Variants in PDE7A observed in about 807,000 individuals in gnomAD.
PDE7A encodes phosphodiesterase 7A.
PDE7A carries 39 observed loss-of-function variants against 64.3 expected under a neutral mutation model. The ratio of observed to expected loss-of-function variants is 0.61; its 90% CI spans 0.47 to 0.79. PDE7A has a LOEUF of 0.79. Ranked by LOEUF, PDE7A falls within the 30% of genes least tolerant of loss-of-function variation. The pLI is 0.00. For synonymous variants in PDE7A, 203 were observed against 206.8 expected (o/e 0.98, Z 0.16); for missense variants, 470 against 582.8 (o/e 0.81, Z 1.99).
At chr8:65,741,734 C>T (rs1344925888) in intron 5 of PDE7A, among the ~76,000 whole-genome samples, 7 of 152,106 alleles carry the variant, frequency 4.6e-5, no homozygotes, top group East Asian at 1.9e-4. Flanking sequence ...CAACCATCTT[C>T]GAGTATATAA....
chr8:65,767,593 A>G (rs2128918431), intron 3 of PDE7A, among the ~76,000 whole-genome samples: 1 of 152,210 alleles, frequency 6.6e-6, no homozygotes, highest in East Asian at 1.9e-4. Context: ...CTCCCCAGAG[A>G]GGGTCTTGCC....
At chr8:65,807,883 C>T (rs889255271) in intron 1 of PDE7A, among the ~76,000 whole-genome samples, 3 of 152,128 alleles carry the variant, frequency 2.0e-5, no homozygotes, top group African/African-American at 4.8e-5. Context: ...GCTGAATTAA[C>T]CATATCTGGA....
chr8:65,831,273 C>T (rs754625323), intron 1 of PDE7A, among the ~76,000 whole-genome samples: 11 of 152,014 alleles, frequency 7.2e-5, no homozygotes, highest in Non-Finnish European at 1.2e-4. Context: ...TCTACATATT[C>T]GAAGTAAACT....
intron 3 of PDE7A, among the ~76,000 whole-genome samples, chr8:65,763,194 A>ATCTAAGTTT (rs1222771294): frequency 6.6e-6 from 1 of 152,214 alleles, no homozygotes; most frequent in Admixed American, 6.5e-5. Context: ...TATAACATTG[A>ATCTAAGTTT]TCTAAGTTTT....
chr8:65,768,115 G>A (rs1198502501), intron 3 of PDE7A, among the ~76,000 whole-genome samples: 2 of 152,176 alleles, frequency 1.3e-5, no homozygotes, highest in African/African-American at 4.8e-5. Flanking sequence ...CACACATTTG[G>A]TCACAGAAGT....
At chr8:65,822,207 GC>G (rs539938157) in intron 1 of PDE7A, among the ~76,000 whole-genome samples, 55 of 152,296 alleles carry the variant, frequency 3.6e-4, no homozygotes, top group African/African-American at 1.3e-3. Flanking sequence ...CTGGAAACCT[GC>G]CCCCTCATTC....
At chr8:65,750,325 A>C (rs1434046095) in intron 3 of PDE7A, among the ~76,000 whole-genome samples, 1 of 152,204 alleles carries the variant, frequency 6.6e-6, no homozygotes, top group Non-Finnish European at 1.5e-5. Flanking sequence ...CCTAAAGCAG[A>C]GTTCAAGGTC....
chr8:65,794,317 C>T (rs1319988809), intron 1 of PDE7A, among the ~76,000 whole-genome samples: 2 of 152,054 alleles, frequency 1.3e-5, no homozygotes, highest in African/African-American at 2.4e-5. Context: ...CACCACCACA[C>T]CCCACAAGAC....
intron 3 of PDE7A, among the ~76,000 whole-genome samples, chr8:65,777,515 T>G (rs1482081248): frequency 6.6e-6 from 1 of 152,242 alleles, no homozygotes; most frequent in Non-Finnish European, 1.5e-5. Context: ...GATAATATGT[T>G]ATTTAGGATG....
intron 3 of PDE7A, among the ~76,000 whole-genome samples, chr8:65,762,651 GC>G (rs1808562897): frequency 1.3e-5 from 2 of 152,134 alleles, no homozygotes. Context: ...CAAAGAAAAA[GC>G]ACTTAAAATT....
intron 1 of PDE7A, 137 bp from the exon 2 acceptor site, chr8:65,782,980 A>G (rs1167874100): frequency 5.0e-6 from 3 of 604,222 alleles, no homozygotes; most frequent in Non-Finnish European, 8.8e-6. Flanking sequence ...GAAATTAGCT[A>G]TGGTACCTGT....
chr8:65,755,773 A>T (rs1353123095), intron 3 of PDE7A, among the ~76,000 whole-genome samples: 1 of 152,186 alleles, frequency 6.6e-6, no homozygotes, highest in Non-Finnish European at 1.5e-5. Flanking sequence ...CATCATAAAG[A>T]ACTCCCTTTA....
chr8:65,801,117 G>C (rs1809975092), intron 1 of PDE7A, among the ~76,000 whole-genome samples: 1 of 151,882 alleles, frequency 6.6e-6, no homozygotes, highest in African/African-American at 2.4e-5. Flanking sequence ...ATCCAGCCTG[G>C]GCAACACAGT....
intron 1 of PDE7A, among the ~76,000 whole-genome samples, chr8:65,803,501 A>G (rs1810043050): frequency 6.6e-6 from 1 of 152,244 alleles, no homozygotes; most frequent in African/African-American, 2.4e-5. Context: ...AACCAGTCAG[A>G]AATTTTCCCA....
In PDE7A at chr8:65,829,449, A is replaced by C. The variant is rs188433872; in HGVS notation, c.138+11922T>G. Among the ~76,000 whole-genome samples the C allele has an allele frequency of 4.0e-4, 61 of 152,240 alleles. No homozygotes were observed. In the Middle Eastern group the frequency reaches 0.017, roughly 42 times the overall value. On this transcript the variant is annotated intron_variant, in intron 1 of 12. Coordinates refer to ENST00000401827, the MANE Select transcript of PDE7A (RefSeq NM_001242318.3). ...TTTTTCAAACGATTACTGGGCCATA[A>C]ACAGATGGCTTCAATGTATTAAAGA...
chr8:65,822,733 C>T (rs1200162132), intron 1 of PDE7A, among the ~76,000 whole-genome samples: 1 of 152,052 alleles, frequency 6.6e-6, no homozygotes, highest in African/African-American at 2.4e-5. Flanking sequence ...ACTCAGGAAG[C>T]AAAGAAAGTT....
chr8:65,730,126 A>G (rs1377217505), intron 7 of PDE7A, among the ~76,000 whole-genome samples: 1 of 142,802 alleles, frequency 7.0e-6, no homozygotes, highest in African/African-American at 2.6e-5. Context: ...AGGAGCACAA[A>G]CCCTATTGTA....
At chr8:65,724,642 C>T (rs984052589) in intron 10 of PDE7A, 135 bp downstream of exon 10, 37 of 731,502 alleles carry the variant, frequency 5.1e-5, no homozygotes, top group Non-Finnish European at 7.0e-5. Context: ...AAGGAGTGTG[C>T]GCTAATTGAA....
chr8:65,781,063 A>T (rs1056468706), intron 2 of PDE7A: 4 of 152,282 alleles, frequency 2.6e-5, no homozygotes, highest in African/African-American at 9.6e-5. Flanking sequence ...CAAATAATAA[A>T]TACCAAATTT....
Sources: gnomAD v4.1 joint callset for allele counts (sites outside exome capture counted in the v4.1 genomes callset) on GRCh38, gnomAD v4.1.1 for gene constraint, MANE v1.5 for transcripts, NCBI Gene and HGNC (gene_info 2026-07-23, HGNC 2026-07-21) for gene names.